Variants in DCT observed in about 807,000 individuals in gnomAD.
DCT encodes the protein dopachrome tautomerase, also known as L-dopachrome tautomerase.
DCT carries 47 observed loss-of-function variants against 53.0 expected under a neutral mutation model. That is an observed-to-expected ratio of 0.89 (90% CI 0.70 to 1.13). DCT has a LOEUF of 1.13. Among genes scored for constraint, DCT ranks in the 50% most tolerant of loss-of-function variants. DCT has a pLI of 0.00. For missense variants in DCT, 669 were observed against 637.4 expected, an observed-to-expected ratio of 1.05 and a Z score of -0.53; for synonymous variants, 244 against 237.0, an observed-to-expected ratio of 1.03 and a Z score of -0.27.
At chr13:94,476,464 ACTTT>A (rs1200648660) in intron 1 of DCT, among the ~76,000 whole-genome samples, 2 of 138,646 alleles carry the variant, frequency 1.4e-5, no homozygotes, top group South Asian at 2.2e-4. Flanking sequence ...AAGTGTTGGC[ACTTT>A]CTTTTTTTTT....
At chr13:94,546,956 C>T in the DCT span, among the ~76,000 whole-genome samples, 39,979 of 151,786 alleles carry the variant, frequency 0.26, 6,620 homozygotes, top group East Asian at 0.62. This position sits in a 1 kb window ranked among gnomAD's most constrained non-coding sequence, Gnocchi z 4.2. Context: ...ACTGTGCATG[C>T]GACAGCCCAC....
the DCT span, among the ~76,000 whole-genome samples, chr13:94,505,630 A>G: frequency 1.3e-5 from 2 of 152,226 alleles, no homozygotes; most frequent in Non-Finnish European, 2.9e-5. Flanking sequence ...CTACATAATC[A>G]GAGTTGAAAG....
At chr13:94,542,335 C>A in the DCT span, among the ~76,000 whole-genome samples, 1 of 152,148 alleles carries the variant, frequency 6.6e-6, no homozygotes, top group Non-Finnish European at 1.5e-5. Context: ...ACTACAGGTG[C>A]ACACCACCAT....
chr13:94,547,123 C>CAT, the DCT span, among the ~76,000 whole-genome samples: 1 of 148,230 alleles, frequency 6.7e-6, no homozygotes, highest in Non-Finnish European at 1.5e-5. Flanking sequence ...TGCTTCTAAA[C>CAT]TTTTTTTTTT....
chr13:94,530,207 G>T, the DCT span, among the ~76,000 whole-genome samples: 8 of 152,120 alleles, frequency 5.3e-5, no homozygotes, highest in African/African-American at 1.9e-4. Context: ...TCTACCAGAG[G>T]TACAAAGAGG....
chr13:94,485,009 C>T, the DCT span, among the ~76,000 whole-genome samples: 5 of 152,096 alleles, frequency 3.3e-5, no homozygotes, highest in East Asian at 9.7e-4. Flanking sequence ...ATTTGGTTGA[C>T]CCGTCTTTAT....
the DCT span, among the ~76,000 whole-genome samples, chr13:94,522,540 G>A: frequency 1.3e-5 from 2 of 151,972 alleles, no homozygotes; most frequent in Non-Finnish European, 2.9e-5. Context: ...GAGAACCCTG[G>A]CTAATACATA....
At chr13:94,507,375 TA>T in the DCT span, among the ~76,000 whole-genome samples, 6 of 152,190 alleles carry the variant, frequency 3.9e-5, no homozygotes, top group Non-Finnish European at 7.4e-5. Context: ...TCTGGTATTC[TA>T]AGAGGATATT....
intron 6 of DCT, among the ~76,000 whole-genome samples, chr13:94,448,489 CT>C (rs1351314997): frequency 2.6e-5 from 4 of 152,148 alleles, no homozygotes; most frequent in African/African-American, 9.7e-5. Flanking sequence ...TTGAATTGCT[CT>C]TGAAAAACTA....
intron 6 of DCT, among the ~76,000 whole-genome samples, chr13:94,454,500 T>C (rs1883288009): frequency 6.6e-6 from 1 of 152,184 alleles, no homozygotes; most frequent in Admixed American, 6.5e-5. Context: ...TCTGGCCTAA[T>C]CTTATTTTCC....
chr13:94,530,654 C>A, the DCT span, among the ~76,000 whole-genome samples: 4 of 152,232 alleles, frequency 2.6e-5, no homozygotes, highest in African/African-American at 9.6e-5. Context: ...ATAATAAGAG[C>A]TATTTATGAC....
chr13:94,504,633 T>G, the DCT span, among the ~76,000 whole-genome samples: 1 of 152,200 alleles, frequency 6.6e-6, no homozygotes, highest in East Asian at 1.9e-4. Flanking sequence ...CCTTTCAAAG[T>G]GCTGGGATTA....
At chr13:94,451,594 T>A (rs1006754770) in intron 6 of DCT, among the ~76,000 whole-genome samples, 2 of 152,212 alleles carry the variant, frequency 1.3e-5, no homozygotes, top group Non-Finnish European at 2.9e-5. Context: ...GTTTACTATA[T>A]ACAGATTTGT....
the DCT span, among the ~76,000 whole-genome samples, chr13:94,525,213 G>A: frequency 2.0e-5 from 3 of 152,010 alleles, no homozygotes; most frequent in African/African-American, 4.8e-5. Context: ...TGATTCTTCT[G>A]CTTCAGCCTC....
At chr13:94,498,067 C>G in the DCT span, among the ~76,000 whole-genome samples, 1 of 152,196 alleles carries the variant, frequency 6.6e-6, no homozygotes, top group African/African-American at 2.4e-5. Flanking sequence ...TCGAGGACAA[C>G]AGCCAGACAG....
chr13:94,496,650 T>G, the DCT span, among the ~76,000 whole-genome samples: 1 of 152,098 alleles, frequency 6.6e-6, no homozygotes, highest in Non-Finnish European at 1.5e-5. Context: ...AAGGAAGATA[T>G]TTATGTGTGG....
At chr13:94,456,113 G>A (rs144439863) in intron 6 of DCT, among the ~76,000 whole-genome samples, 4 of 152,346 alleles carry the variant, frequency 2.6e-5, no homozygotes, top group Admixed American at 1.3e-4. Context: ...AGCAAAGATC[G>A]CTGTGGCGGC....
At chr13:94,533,602 T>C in the DCT span, among the ~76,000 whole-genome samples, 1 of 152,124 alleles carries the variant, frequency 6.6e-6, no homozygotes, top group African/African-American at 2.4e-5. Flanking sequence ...CTGGCCAACA[T>C]AGTGAAACCC....
chr13:94,547,984 A>AAAAAAAAAAAAT, the DCT span, among the ~76,000 whole-genome samples: 2 of 65,844 alleles, frequency 3.0e-5, no homozygotes, highest in African/African-American at 2.6e-4. Context: ...AAAAAAAAAA[A>AAAAAAAAAAAAT]ATATATATAT....
Sources: gnomAD v4.1 joint callset for allele counts (sites outside exome capture counted in the v4.1 genomes callset) on GRCh38, gnomAD v4.1.1 for gene constraint, Gnocchi (gnomAD v3.1) non-coding constraint, MANE v1.5 for transcripts, NCBI Gene and HGNC (gene_info 2026-07-23, HGNC 2026-07-21) for gene names.